UNC5B: variants seen among roughly 807,000 people sequenced by gnomAD.
UNC5B encodes the protein netrin receptor UNC5B.
A neutral mutation model predicts 103.7 loss-of-function variants in UNC5B; 56 were observed. The observed-to-expected ratio is 0.54, with a 90% CI of 0.44 to 0.67. The LOEUF is 0.67. Ranked by LOEUF, UNC5B falls within the 30% of genes least tolerant of loss-of-function variation. The pLI, the probability that UNC5B is intolerant of heterozygous loss-of-function variation, is 0.00. For synonymous variants in UNC5B, 577 were observed against 542.0 expected (o/e 1.06, Z -0.90); for missense variants, 1,194 against 1,284.5 (o/e 0.93, Z 1.08).
At chr10:71,245,962 C>T (rs142508027) in intron 1 of UNC5B, among the ~76,000 whole-genome samples, 5 of 152,312 alleles carry the variant, frequency 3.3e-5, no homozygotes, top group Middle Eastern at 3.4e-3. Context: ...CATTTCTGGG[C>T]GTCATGGCTC....
chr10:71,242,235 C>A (rs1265755989), intron 1 of UNC5B, among the ~76,000 whole-genome samples: 7 of 152,194 alleles, frequency 4.6e-5, no homozygotes, highest in Non-Finnish European at 5.9e-5. Flanking sequence ...GTTACTATGA[C>A]ATGTGACCTC....
At chr10:71,221,632 G>A (rs1222007844) in intron 1 of UNC5B, among the ~76,000 whole-genome samples, 1 of 152,254 alleles carries the variant, frequency 6.6e-6, no homozygotes, top group Admixed American at 6.5e-5. Flanking sequence ...GCTTCTTGAA[G>A]CATGGGCCAA....
Position 71,293,389 on chromosome 10 carries a change from C to T in UNC5B, c.1773-16C>T, listed in dbSNP as rs1377808412. 1 of 1,607,386 alleles carries T rather than the reference C, an allele frequency of 6.2e-7. No individual in the cohort carries two copies. Among genetic ancestry groups the T allele is most frequent in the Non-Finnish European group, 8.5e-7 (1 of 1,176,138 alleles). ...AGCTCTTCACTGCCTCTCTCCTACC[C>T]TGTGTCCTCCTCCAGCCCGCTTTCA... is the stretch of plus-strand genomic sequence containing the variant. On this transcript the variant is annotated splice_polypyrimidine_tract_variant and intron_variant, in intron 11 of 16. Transcript: ENST00000335350.
intron 1 of UNC5B, among the ~76,000 whole-genome samples, chr10:71,277,879 G>A (rs1844809507): frequency 6.6e-6 from 1 of 152,192 alleles, no homozygotes; most frequent in African/African-American, 2.4e-5. Flanking sequence ...CAGGTCCCTT[G>A]ATGAGAGAGC....
At chr10:71,252,705 G>A (rs1844200842) in intron 1 of UNC5B, among the ~76,000 whole-genome samples, 1 of 152,228 alleles carries the variant, frequency 6.6e-6, no homozygotes, top group South Asian at 2.1e-4. Flanking sequence ...GAGGTGAAGT[G>A]ATTTGCCCAA....
At chr10:71,222,888 C>G (rs762327789) in intron 1 of UNC5B, among the ~76,000 whole-genome samples, 1 of 152,228 alleles carries the variant, frequency 6.6e-6, no homozygotes, top group Admixed American at 6.5e-5. Context: ...TGGCTGGGGA[C>G]CTGGACACCC....
intron 1 of UNC5B, among the ~76,000 whole-genome samples, chr10:71,248,621 C>A (rs1844097798): frequency 6.6e-6 from 1 of 152,132 alleles, no homozygotes; most frequent in African/African-American, 2.4e-5. Context: ...CCCCAGTAGA[C>A]CGGCTAATAT....
chr10:71,246,335 C>G (rs1211037415), intron 1 of UNC5B, among the ~76,000 whole-genome samples: 1 of 152,036 alleles, frequency 6.6e-6, no homozygotes, highest in African/African-American at 2.4e-5. Context: ...AGGTTCCTTC[C>G]AGAAGGATGG....
At chr10:71,254,588 G>A (rs531131558) in intron 1 of UNC5B, among the ~76,000 whole-genome samples, 7 of 152,206 alleles carry the variant, frequency 4.6e-5, no homozygotes, top group South Asian at 4.1e-4. Context: ...GGCTGGGTTG[G>A]GGGGAGGGAG....
At chr10:71,271,660 C>T (rs975291635) in intron 1 of UNC5B, among the ~76,000 whole-genome samples, 1 of 152,204 alleles carries the variant, frequency 6.6e-6, no homozygotes, top group African/African-American at 2.4e-5. Flanking sequence ...GGGCTCATCC[C>T]AGCACTGCAC....
intron 1 of UNC5B, among the ~76,000 whole-genome samples, chr10:71,241,874 G>A (rs1843909247): frequency 6.6e-6 from 1 of 152,122 alleles, no homozygotes; most frequent in Non-Finnish European, 1.5e-5. Flanking sequence ...AGAGATAATA[G>A]CAGCCTGTTA....
chr10:71,232,452 GCCCAGCCCCGGC>G (rs992961629), intron 1 of UNC5B, among the ~76,000 whole-genome samples: 9 of 152,260 alleles, frequency 5.9e-5, no homozygotes, highest in Non-Finnish European at 1.3e-4. Flanking sequence ...TGAGCTGGTG[GCCCAGCCCCGGC>G]CCCAGCCCCA....
At chr10:71,236,841 C>G (rs1843784611) in intron 1 of UNC5B, among the ~76,000 whole-genome samples, 1 of 152,240 alleles carries the variant, frequency 6.6e-6, no homozygotes, top group East Asian at 1.9e-4. Context: ...ATTTATCATT[C>G]CCTTCTCTGT....
intron 1 of UNC5B, among the ~76,000 whole-genome samples, chr10:71,223,228 G>A (rs16928529): frequency 3.3e-5 from 5 of 151,964 alleles, no homozygotes; most frequent in Admixed American, 1.3e-4. Flanking sequence ...TGGCTCACTC[G>A]TGTGGATTCC....
At position 71,212,829 on chromosome 10, in the gene UNC5B, C is replaced by T. The variant is rs1843254205; in HGVS notation, c.-157C>T. The T allele has an allele frequency of 3.9e-6, 2 of 507,898 alleles. No homozygotes were observed. The highest frequency in any genetic ancestry group is 6.0e-6 in the Non-Finnish European group (2 of 331,260). The allele number at this position is 507,898 out of a possible 1,614,324, so 31.5% of individuals were successfully genotyped here. On this transcript the variant is annotated 5_prime_UTR_variant, in exon 1 of 17. Coordinates refer to ENST00000335350, the MANE Select transcript of UNC5B (RefSeq NM_170744.5). ...GAGTGCCAGGCGGCCCTCCGCGCAG[C>T]GTGGCTTCCGCTGCCCCCACGGAAG...
At position 71,297,911 on chromosome 10, in the gene UNC5B, A is replaced by G; in HGVS notation, c.2493A>G (p.Thr831=). 6 of 1,611,480 alleles carry G rather than the reference A, an allele frequency of 3.7e-6. No individual in the cohort carries two copies. The highest frequency in any genetic ancestry group is 5.1e-6 in the Non-Finnish European group (6 of 1,178,910). Residue 831 remains threonine (T), a splice_region_variant and synonymous_variant, in exon 16 of 17, where the codon ACA becomes ACG. Coordinates refer to ENST00000335350, the MANE Select transcript of UNC5B (RefSeq NM_170744.5). Reference sequence around the variant, plus strand: ...ACTCTTGGCCCCCACCCTTGCAGACACCTGCTGGCTCCCTGGACACTCTCT... The same window carrying G: ...ACTCTTGGCCCCCACCCTTGCAGACGCCTGCTGGCTCCCTGGACACTCTCT... ...IFQLHTTLAE[T]PAGSLDTLCS...
chr10:71,294,836 C>T (rs944683169), intron 13 of UNC5B, among the ~76,000 whole-genome samples: 1 of 152,062 alleles, frequency 6.6e-6, no homozygotes, highest in Non-Finnish European at 1.5e-5. Flanking sequence ...CCCGTGTTAG[C>T]ACCACTGTCC....
chr10:71,228,101 CTG>C (rs1843610979), intron 1 of UNC5B, among the ~76,000 whole-genome samples: 1 of 152,184 alleles, frequency 6.6e-6, no homozygotes, highest in African/African-American at 2.4e-5. Context: ...TCACAGGTCA[CTG>C]GGGTTAAGAC....
At chr10:71,293,333 G>A in intron 11 of UNC5B, 72 bp from the exon 12 acceptor site, 2 of 1,514,158 alleles carry the variant, frequency 1.3e-6, no homozygotes, top group Middle Eastern at 1.8e-4. Flanking sequence ...GGGCAGACTT[G>A]GGAGCCCAGC....
Sources: allele counts gnomAD v4.1 joint callset (sites outside exome capture counted in the v4.1 genomes callset), GRCh38; gene constraint gnomAD v4.1.1; transcripts MANE v1.5; gene names NCBI Gene and HGNC (gene_info 2026-07-23, HGNC 2026-07-21).